The following CCR3 variants were observed in gnomAD, a reference collection of about 807,000 sequenced individuals.
CCR3 encodes the protein C-C chemokine receptor type 3.
For synonymous variants in CCR3, 203 were observed against 179.2 expected, an observed-to-expected ratio of 1.13 and a Z score of -1.06; for missense variants, 419 against 437.5, an observed-to-expected ratio of 0.96 and a Z score of 0.38.
At chr3:46,229,024 T>A (rs1699933355) in intron 2 of CCR3, among the ~76,000 whole-genome samples, 1 of 152,230 alleles carries the variant, frequency 6.6e-6, no homozygotes, top group African/African-American at 2.4e-5. Context: ...GCTAGCTATA[T>A]GCATATGTGA....
chr3:46,211,377 ATG>A (rs1305488598), intron 2 of CCR3, among the ~76,000 whole-genome samples: 1 of 142,616 alleles, frequency 7.0e-6, no homozygotes. Context: ...TTGAAAAAAT[ATG>A]TATATATATA....
intron 2 of CCR3, among the ~76,000 whole-genome samples, chr3:46,212,695 C>T (rs758588357): frequency 1.2e-4 from 18 of 152,270 alleles, no homozygotes; most frequent in Admixed American, 2.6e-4. Context: ...GGGGCCAAGA[C>T]TTCTTTGCCC....
At chr3:46,232,484 G>C (rs1699976375) in intron 2 of CCR3, among the ~76,000 whole-genome samples, 1 of 152,184 alleles carries the variant, frequency 6.6e-6, no homozygotes, top group Non-Finnish European at 1.5e-5. Context: ...GCCACGTGGG[G>C]GTCCTTAAGC....
At chr3:46,245,745 C>T (rs1700176936) in intron 1 of CCR3, among the ~76,000 whole-genome samples, 1 of 99,796 alleles carries the variant, frequency 1.0e-5, no homozygotes, top group African/African-American at 3.1e-5. Context: ...CTGTTGTTCT[C>T]TTCTTTGTGT....
At chr3:46,249,212 A>C (rs566185330) in intron 1 of CCR3, among the ~76,000 whole-genome samples, 13 of 152,256 alleles carry the variant, frequency 8.5e-5, no homozygotes, top group African/African-American at 3.1e-4. Flanking sequence ...GAAGAAGGGC[A>C]GCAATGAGAT....
chr3:46,248,043 G>A (rs1222124973), intron 1 of CCR3, among the ~76,000 whole-genome samples: 1 of 152,102 alleles, frequency 6.6e-6, no homozygotes, highest in African/African-American at 2.4e-5. Context: ...ATTAGGCCTG[G>A]TGGAACTGCC....
intron 1 of CCR3, among the ~76,000 whole-genome samples, chr3:46,244,632 C>A (rs1700157940): frequency 6.6e-6 from 1 of 152,188 alleles, no homozygotes; most frequent in African/African-American, 2.4e-5. Flanking sequence ...GGGACTTTCA[C>A]AAGGTAATGT....
At chr3:46,240,889 A>G (rs1414642778), upstream of CCR3, among the ~76,000 whole-genome samples, 2 of 152,244 alleles carry the variant, frequency 1.3e-5, no homozygotes, top group African/African-American at 2.4e-5. Context: ...GTCCAGCAGC[A>G]AAGTCTGAGA....
intron 2 of CCR3, among the ~76,000 whole-genome samples, chr3:46,225,010 C>A (rs1047965662): frequency 1.3e-5 from 2 of 152,100 alleles, no homozygotes; most frequent in African/African-American, 4.8e-5. Flanking sequence ...TAACTTTATT[C>A]ATAATAGTCT....
At chr3:46,230,948 G>A (rs1220461725) in intron 2 of CCR3, among the ~76,000 whole-genome samples, 3 of 152,098 alleles carry the variant, frequency 2.0e-5, no homozygotes, top group African/African-American at 7.2e-5. Flanking sequence ...TGTTTTTGAA[G>A]GTGTCTCGCT....
chr3:46,218,772 C>T (rs1300162978), intron 2 of CCR3, among the ~76,000 whole-genome samples: 1 of 152,008 alleles, frequency 6.6e-6, no homozygotes, highest in Non-Finnish European at 1.5e-5. Context: ...TTGACAAAAT[C>T]CAGTTTCCAT....
intron 1 of CCR3, chr3:46,264,273 G>A: frequency 1.3e-6 from 1 of 753,852 alleles, no homozygotes; most frequent in Non-Finnish European, 2.2e-6. Context: ...GCATCACCAG[G>A]GGCAAGAAAA....
chr3:46,242,246 T>C (rs1453563507), upstream of CCR3: 1 of 152,072 alleles, frequency 6.6e-6, no homozygotes, highest in Admixed American at 6.6e-5. Context: ...GACTGGTTAG[T>C]ATGTGGTGTC....
chr3:46,218,339 CAA>C (rs35238937), intron 2 of CCR3, among the ~76,000 whole-genome samples: 1 of 142,986 alleles, frequency 7.0e-6, no homozygotes, highest in African/African-American at 2.5e-5. Flanking sequence ...AAATTGCCAA[CAA>C]AAAAAAAAAG....
chr3:46,256,391 G>A (rs554649822), intron 1 of CCR3, among the ~76,000 whole-genome samples: 2 of 150,420 alleles, frequency 1.3e-5, no homozygotes, highest in Admixed American at 1.3e-4. Context: ...AATCCCAAAT[G>A]TTGAAATCCA....
intron 2 of CCR3, among the ~76,000 whole-genome samples, chr3:46,222,982 T>C (rs1575486895): frequency 6.6e-6 from 1 of 152,254 alleles, no homozygotes; most frequent in Non-Finnish European, 1.5e-5. Context: ...GGAGAAAGTA[T>C]ATTAAGGAAG....
intron 1 of CCR3, among the ~76,000 whole-genome samples, chr3:46,261,916 A>T (rs1300610103): frequency 6.6e-6 from 1 of 152,228 alleles, no homozygotes; most frequent in Non-Finnish European, 1.5e-5. Context: ...CTAAGAATGA[A>T]TACCTCATGA....
upstream of CCR3, among the ~76,000 whole-genome samples, chr3:46,238,264 AGTT>A (rs1176123849): frequency 2.0e-5 from 3 of 151,636 alleles, no homozygotes; most frequent in South Asian, 2.1e-4. Flanking sequence ...TAAAAAAAAA[AGTT>A]AGTCATTCTA....
Position 46,265,208 on chromosome 3 carries a change from A to G in CCR3, c.50A>G (p.Tyr17Cys). The change falls in exon 2 of 2, where the codon TAT (tyrosine) becomes TGT (cysteine). Residue 17 changes from tyrosine (Y) to cysteine (C), a missense_variant. Transcript: ENST00000395940. ...TVETFGTTSY[Y>C]DDVGLLCEKA... Reference sequence around the variant, plus strand: ...GAGACCTTTGGTACCACATCCTACTATGATGACGTGGGCCTGCTCTGTGAA... The same window carrying G: ...GAGACCTTTGGTACCACATCCTACTGTGATGACGTGGGCCTGCTCTGTGAA... 2 of 1,613,988 alleles carry G rather than the reference A, an allele frequency of 1.2e-6. No individual in the cohort carries two copies. Among genetic ancestry groups the G allele is most frequent in the Non-Finnish European group, 1.7e-6 (2 of 1,179,982 alleles).
Sources: allele counts gnomAD v4.1 joint callset (sites outside exome capture counted in the v4.1 genomes callset), GRCh38; gene constraint gnomAD v4.1.1; transcripts MANE v1.5; gene names NCBI Gene and HGNC (gene_info 2026-07-23, HGNC 2026-07-21).